Variants in PI4KA observed in about 807,000 individuals in gnomAD.
PI4KA encodes phosphatidylinositol 4-kinase alpha.
A neutral mutation model predicts 271.4 loss-of-function variants in PI4KA; 122 were observed. The observed-to-expected ratio is 0.45, with a 90% confidence interval of 0.39 to 0.52. PI4KA has a LOEUF of 0.52. PI4KA is among the 20% of genes least tolerant of loss of function. The pLI is 0.00. For missense variants in PI4KA, 1,969 were observed against 2,769.1 expected, an observed-to-expected ratio of 0.71 and a Z score of 6.48; for synonymous variants, 1,041 against 1,078.8, an observed-to-expected ratio of 0.96 and a Z score of 0.69.
rs373417508 is a variant in PI4KA, at chr22:20,734,693, G to T, written c.3742-140C>A. On this transcript the variant is annotated intron_variant, in intron 32 of 54. Coordinates refer to ENST00000255882, the MANE Select transcript of PI4KA (RefSeq NM_058004.4). ...AGAAAAGTATGAAGAAAAAAATGAA[G>T]ATCGCCTATAGTCCCACATCCCAGG... 7.7e-4 allele frequency: 716 copies of T among 930,410 alleles called. 6 individuals are homozygous for T. In the East Asian group the frequency reaches 0.015, roughly 19 times the overall value. 57.6% of individuals were successfully genotyped at this position (930,410 alleles called of 1,614,324 possible).
In PI4KA at chr22:20,765,213, C is replaced by T. The variant is rs1407881504; in HGVS notation, c.2461G>A (p.Glu821Lys). 2.5e-6 allele frequency: 4 copies of T among 1,612,606 alleles called. No individual in the cohort carries two copies. The highest frequency in any genetic ancestry group is 3.4e-6 in the Non-Finnish European group (4 of 1,179,352). ...TTAGTGGCTATTTCACAGACCCCCT[C>T]GTACCATTCTTCTGGCCAGAGTCCT... ...GSGLWPEEWY[E>K]GVCEIATKSP... Residue 821 changes from glutamate to lysine, a missense_variant, in exon 21 of 55, where the codon GAG (glutamate) becomes AAG (lysine). Glu to Lys is a moderately conservative substitution (Grantham distance 56, BLOSUM62 1). Coordinates refer to ENST00000255882, the MANE Select transcript of PI4KA (RefSeq NM_058004.4).
chr22:20,814,306 A>T (rs2147664991), intron 7 of PI4KA, among the ~76,000 whole-genome samples: 1 of 152,334 alleles, frequency 6.6e-6, no homozygotes, highest in East Asian at 1.9e-4. Context: ...TAGAGGTAGA[A>T]TGGTAGCTAT....
At chr22:20,858,020 G>T (rs541212846) in intron 1 of PI4KA, among the ~76,000 whole-genome samples, 3 of 152,238 alleles carry the variant, frequency 2.0e-5, no homozygotes, top group South Asian at 2.1e-4. Flanking sequence ...CCCCAGCCTC[G>T]TAGAATAACA....
At position 20,712,291 on chromosome 22, in the gene PI4KA, G is replaced by A. The variant is rs377464450; in HGVS notation, c.5802+195C>T. 5.9e-5 allele frequency: 48 copies of A among 818,956 alleles called. No individual in the cohort carries two copies. The East Asian group carries it at 1.1e-3, about 19-fold the overall frequency. 50.7% of individuals were successfully genotyped at this position (818,956 alleles called of 1,614,324 possible). On this transcript the variant is annotated intron_variant, in intron 50 of 54. Coordinates refer to ENST00000255882, the MANE Select transcript of PI4KA (RefSeq NM_058004.4). ...AGGATGGTTTTGATCTCTTGACCTCGTGATCTGCCCGCCTCGGCCTCCCAA... is the reference window on the plus strand; with the variant it reads ...AGGATGGTTTTGATCTCTTGACCTCATGATCTGCCCGCCTCGGCCTCCCAA...
At chr22:20,786,205 C>T in intron 19 of PI4KA, 1 of 1,598,528 alleles carries the variant, frequency 6.3e-7, no homozygotes, top group Non-Finnish European at 8.6e-7. Flanking sequence ...CAGCACAGCC[C>T]CACCTCCACT....
chr22:20,750,476 G>GCACAGCCACTAAGTTTGAAC (rs1250748009), intron 27 of PI4KA, among the ~76,000 whole-genome samples: 1 of 152,208 alleles, frequency 6.6e-6, no homozygotes, highest in African/African-American at 2.4e-5. Flanking sequence ...CAAGAGACTA[G>GCACAGCCACTAAGTTTGAAC]CACAGCCACT....
chr22:20,770,522 A>AAAAAG (rs1932820456), intron 19 of PI4KA, among the ~76,000 whole-genome samples: 1 of 102,796 alleles, frequency 9.7e-6, no homozygotes, highest in African/African-American at 4.3e-5. Flanking sequence ...TCAAAAAAAA[A>AAAAAG]AAAAAAAAAA....
chr22:20,795,525 A>G (rs1384749133), intron 18 of PI4KA, among the ~76,000 whole-genome samples: 1 of 152,210 alleles, frequency 6.6e-6, no homozygotes, highest in Non-Finnish European at 1.5e-5. Flanking sequence ...ACGCAAAAAT[A>G]AAATTGCTTT....
At chr22:20,762,998 G>T (rs1252267940) in intron 22 of PI4KA, among the ~76,000 whole-genome samples, 1 of 65,168 alleles carries the variant, frequency 1.5e-5, no homozygotes. Context: ...AACTGGCTAG[G>T]TTTTTTTGCT....
intron 54 of PI4KA, among the ~76,000 whole-genome samples, chr22:20,708,464 G>T (rs1924796785): frequency 6.7e-6 from 1 of 149,684 alleles, no homozygotes; most frequent in Admixed American, 6.7e-5. Flanking sequence ...GGTCCTGGCC[G>T]CCTGGCTTCT....
At chr22:20,765,050 T>C (rs1475776171) in intron 21 of PI4KA, 50 bp downstream of exon 21, 1 of 1,587,070 alleles carries the variant, frequency 6.3e-7, no homozygotes, top group Non-Finnish European at 8.6e-7. Context: ...TGAAAAGATC[T>C]GCCCTAATTG....
chr22:20,717,468 C>T (rs1399422207), intron 45 of PI4KA, among the ~76,000 whole-genome samples: 1 of 152,280 alleles, frequency 6.6e-6, no homozygotes, highest in Non-Finnish European at 1.5e-5. Context: ...TCCAGAAAAA[C>T]AGCAGGCAGC....
chr22:20,810,933 T>G (rs1248576062), intron 9 of PI4KA, 34 bp downstream of exon 9: 2 of 1,521,788 alleles, frequency 1.3e-6, no homozygotes, highest in Non-Finnish European at 1.8e-6. Flanking sequence ...TAAGTCAGGC[T>G]GATCTCATGG....
Position 20,799,125 on chromosome 22 carries a change from C to T in PI4KA, c.1972G>A (p.Asp658Asn), listed in dbSNP as rs762060085. The T allele has an allele frequency of 6.2e-7, 1 of 1,613,480 alleles. No homozygotes were observed. The highest frequency in any genetic ancestry group is 1.1e-5 in the South Asian group (1 of 90,976). ...PPSPLDVLII[D>N]QLGCLVITGN... The stretch of plus-strand genomic sequence containing the variant: ...GTGATAACCAGGCAGCCCAGCTGGT[C>T]AATAATCAGCACATCGAGGGGGGAG... Residue 658 changes from aspartate (D) to asparagine (N), a missense_variant, in exon 16 of 55, where the codon GAC becomes AAC. This residue lies in a region of PI4KA where 228 missense variants were observed against 261.6 expected (regional missense o/e 0.87). Coordinates refer to ENST00000255882, the MANE Select transcript of PI4KA (RefSeq NM_058004.4).
At chr22:20,809,908 T>C (rs1225257640) in intron 9 of PI4KA, among the ~76,000 whole-genome samples, 1 of 152,092 alleles carries the variant, frequency 6.6e-6, no homozygotes, top group South Asian at 2.1e-4. Flanking sequence ...GGAAGAGACA[T>C]GGTCTACAGC....
intron 23 of PI4KA, among the ~76,000 whole-genome samples, chr22:20,759,179 T>A (rs1420053702): frequency 1.3e-5 from 2 of 152,216 alleles, no homozygotes; most frequent in Non-Finnish European, 2.9e-5. Flanking sequence ...CCAGACTAGC[T>A]AGGACGACAG....
At chr22:20,828,542 G>C (rs1923740486) in intron 3 of PI4KA, among the ~76,000 whole-genome samples, 1 of 152,000 alleles carries the variant, frequency 6.6e-6, no homozygotes, top group Admixed American at 6.6e-5. Context: ...AATGCCTAGA[G>C]TTTGTTGTGG....
In PI4KA at chr22:20,838,752, A is replaced by C. The variant is rs767967193; in HGVS notation, c.157-21T>G. 1.8e-5 allele frequency: 25 copies of C among 1,373,316 alleles called. 1 individual carries two copies. The highest frequency in any genetic ancestry group is 1.8e-4 in the Middle Eastern group (1 of 5,572). The allele number at this position is 1,373,316 out of a possible 1,614,324, so 85.1% of individuals were successfully genotyped here. ...TGGACCTAGAAAATGAGACCCCCCC[A>C]AAAACAGCTCTACAAAATAGAAAAC... is the stretch of plus-strand genomic sequence containing the variant. On this transcript the variant is annotated intron_variant, in intron 1 of 54. Coordinates refer to ENST00000255882, the MANE Select transcript of PI4KA (RefSeq NM_058004.4).
intron 1 of PI4KA, among the ~76,000 whole-genome samples, chr22:20,841,169 C>T (rs760382272): frequency 1.3e-4 from 20 of 151,708 alleles, no homozygotes; most frequent in Non-Finnish European, 2.5e-4. Context: ...CATGAGCCAT[C>T]GCACCCTGCC....
Sources: gnomAD v4.1 joint callset for allele counts (sites outside exome capture counted in the v4.1 genomes callset) on GRCh38, gnomAD v4.1.1 for gene constraint, gnomAD v4.1.1 regional missense constraint, MANE v1.5 for transcripts, NCBI Gene and HGNC (gene_info 2026-07-23, HGNC 2026-07-21) for gene names.